TNRC6B: variants seen among roughly 807,000 people sequenced by gnomAD.
The protein encoded by TNRC6B is trinucleotide repeat-containing gene 6B protein.
TNRC6B carries 52 observed loss-of-function variants against 203.6 expected under a neutral mutation model. That is an observed-to-expected ratio of 0.26 (90% CI 0.20 to 0.32). The LOEUF (loss-of-function observed/expected upper bound fraction) is 0.32. TNRC6B is among the 10% of genes least tolerant of loss of function. TNRC6B has a pLI of 1.00. For missense variants in TNRC6B, 1,923 were observed against 2,286.2 expected, an observed-to-expected ratio of 0.84 and a Z score of 3.24; for synonymous variants, 838 against 845.7, an observed-to-expected ratio of 0.99 and a Z score of 0.16.
chr22:40,222,985 A>G (rs1194332376), intron 1 of TNRC6B, among the ~76,000 whole-genome samples: 1 of 151,906 alleles, frequency 6.6e-6, no homozygotes, highest in African/African-American at 2.4e-5. Flanking sequence ...GGACTTGAGC[A>G]GGCCACCCGC....
chr22:40,181,682 C>A (rs959918771), intron 1 of TNRC6B, among the ~76,000 whole-genome samples: 3 of 152,182 alleles, frequency 2.0e-5, no homozygotes, highest in Admixed American at 6.5e-5. Context: ...TGGTGGCTCA[C>A]GCCTGTGATC....
chr22:40,296,853 C>T (rs1314708694), intron 12 of TNRC6B, among the ~76,000 whole-genome samples: 1 of 152,160 alleles, frequency 6.6e-6, no homozygotes, highest in African/African-American at 2.4e-5. Context: ...GTCTCAAACT[C>T]CTGGCCTCAA....
intron 1 of TNRC6B, among the ~76,000 whole-genome samples, chr22:40,214,137 C>A (rs1051153475): frequency 6.6e-6 from 1 of 151,948 alleles, no homozygotes; most frequent in Non-Finnish European, 1.5e-5. Context: ...CGTGGTGGTG[C>A]GCACCTGTAG....
chr22:40,050,120 T>G (rs1405965285), intron 1 of TNRC6B, among the ~76,000 whole-genome samples: 1 of 152,184 alleles, frequency 6.6e-6, no homozygotes, highest in African/African-American at 2.4e-5. Context: ...ATTTCAAACC[T>G]GGAATCCTGC....
At chr22:40,096,998 A>G (rs1022196138) in intron 1 of TNRC6B, among the ~76,000 whole-genome samples, 10 of 152,230 alleles carry the variant, frequency 6.6e-5, no homozygotes. Flanking sequence ...GCTTCAGGAA[A>G]GATACAGTGG....
intron 1 of TNRC6B, among the ~76,000 whole-genome samples, chr22:40,232,794 C>G (rs1292770304): frequency 6.6e-6 from 1 of 152,242 alleles, no homozygotes; most frequent in Non-Finnish European, 1.5e-5. Context: ...AGGCGGATCA[C>G]TTGATAACAG....
chr22:40,242,973 A>G (rs754849231), intron 1 of TNRC6B, among the ~76,000 whole-genome samples: 2 of 151,790 alleles, frequency 1.3e-5, no homozygotes, highest in South Asian at 2.1e-4. Flanking sequence ...GGTTCAAGCA[A>G]TTCTCCTGCC....
chr22:40,171,546 T>C (rs1459682417), intron 4 of TNRC6B, among the ~76,000 whole-genome samples: 2 of 152,192 alleles, frequency 1.3e-5, no homozygotes, highest in African/African-American at 2.4e-5. Flanking sequence ...GGTCAAAATT[T>C]TTTGTTTGTA....
intron 10 of TNRC6B, among the ~76,000 whole-genome samples, chr22:40,280,780 T>C (rs1031476433): frequency 8.5e-5 from 13 of 152,248 alleles, no homozygotes; most frequent in Non-Finnish European, 1.3e-4. Context: ...CAGCAACATA[T>C]TCACAAGATT....
intron 16 of TNRC6B, among the ~76,000 whole-genome samples, chr22:40,310,018 C>G (rs769034401): frequency 3.3e-5 from 5 of 152,226 alleles, no homozygotes; most frequent in African/African-American, 4.8e-5. Context: ...AATAAGTAGA[C>G]TGGTATCTCA....
rs780721544 is a variant in TNRC6B at position 40,270,278 on chromosome 22, C to T, written c.2963C>T (p.Pro988Leu). The change falls in exon 6 of 23, where the codon CCT (proline) becomes CTT (leucine). Residue 988 changes from proline to leucine, a missense_variant and splice_region_variant. Around this residue, in one of 8 missense-constraint regions of TNRC6B, gnomAD observed 599 missense variants for 656.5 expected, o/e 0.91. Coordinates refer to ENST00000454349, the MANE Select transcript of TNRC6B (RefSeq NM_001162501.2). The stretch of plus-strand genomic sequence containing the variant: ...GCCAACGCTCCCAATGCCATGAAGC[C>T]TAGTAAGTGTGAAGCTTTTCATTTT... ...TPANAPNAMKPNSKSMQDGWG... is the reference protein window; with the variant it reads ...TPANAPNAMKLNSKSMQDGWG... 61 of 1,413,770 alleles carry T rather than the reference C, an allele frequency of 4.3e-5. No homozygotes were observed. In the Middle Eastern group the frequency reaches 5.7e-4, roughly 13 times the overall value. 87.6% of individuals were successfully genotyped at this position (1,413,770 alleles called of 1,614,324 possible).
intron 2 of TNRC6B, among the ~76,000 whole-genome samples, chr22:40,118,966 C>T (rs2146318993): frequency 6.6e-6 from 1 of 152,238 alleles, no homozygotes; most frequent in Non-Finnish European, 1.5e-5. Context: ...ACATGGAAAC[C>T]TGAAACAGTC....
intron 4 of TNRC6B, among the ~76,000 whole-genome samples, chr22:40,172,522 G>A (rs757816348): frequency 6.6e-6 from 1 of 152,202 alleles, no homozygotes; most frequent in Non-Finnish European, 1.5e-5. Flanking sequence ...TTGGTGTAAA[G>A]CCTATGTGGT....
At chr22:40,239,564 A>T (rs770088690) in intron 1 of TNRC6B, among the ~76,000 whole-genome samples, 3 of 152,180 alleles carry the variant, frequency 2.0e-5, no homozygotes, top group Non-Finnish European at 2.9e-5. Context: ...ATGGGCATTA[A>T]AGAGGATGGT....
At chr22:40,085,111 G>C (rs912346698) in intron 1 of TNRC6B, among the ~76,000 whole-genome samples, 2 of 152,170 alleles carry the variant, frequency 1.3e-5, no homozygotes, top group African/African-American at 4.8e-5. Context: ...CTGTGGAAAG[G>C]CTCACATGGA....
chr22:40,217,247 A>G (rs2069647557), intron 1 of TNRC6B, among the ~76,000 whole-genome samples: 1 of 152,192 alleles, frequency 6.6e-6, no homozygotes, highest in Non-Finnish European at 1.5e-5. Context: ...CACATGTCCT[A>G]CGTAGCAGTT....
At chr22:40,219,327 A>G (rs1371094597) in intron 1 of TNRC6B, among the ~76,000 whole-genome samples, 2 of 152,120 alleles carry the variant, frequency 1.3e-5, no homozygotes, top group Admixed American at 1.3e-4. Flanking sequence ...TTGGAGTAGG[A>G]AGGTATATGA....
At chr22:40,174,114 G>T (rs1408124429), upstream of TNRC6B, among the ~76,000 whole-genome samples, 1 of 149,788 alleles carries the variant, frequency 6.7e-6, no homozygotes, top group African/African-American at 2.5e-5. Flanking sequence ...CTAGATTTTT[G>T]AGTTAAATAC....
At position 40,270,072 on chromosome 22, in the gene TNRC6B, T is replaced by C. The variant is rs773242312; in HGVS notation, c.2807-50T>C. The C allele has an allele frequency of 4.5e-6, 7 of 1,541,962 alleles. No homozygotes were observed. The African/African-American group carries it at 6.9e-5, about 15-fold the overall frequency. ...TCCACCTTCACCCCACTGGATATTA[T>C]GGCATTTCATTTAACAAATGATTCT... On this transcript the variant is annotated intron_variant, in intron 5 of 22. Transcript: ENST00000454349.
Sources: gnomAD v4.1 joint callset for allele counts (sites outside exome capture counted in the v4.1 genomes callset) on GRCh38, gnomAD v4.1.1 for gene constraint, gnomAD v4.1.1 regional missense constraint, MANE v1.5 for transcripts, NCBI Gene and HGNC (gene_info 2026-07-23, HGNC 2026-07-21) for gene names.